GABRG3: variants seen among roughly 807,000 people sequenced by gnomAD.
GABRG3 encodes the protein gamma-aminobutyric acid type A receptor subunit gamma3, also known as gamma-aminobutyric acid receptor subunit gamma-3.
A neutral mutation model predicts 48.8 loss-of-function variants in GABRG3; 25 were observed. That is an observed-to-expected ratio of 0.51 (90% confidence interval 0.37 to 0.72). The LOEUF is 0.72. GABRG3 is among the 30% of genes least tolerant of loss of function. The probability of loss-of-function intolerance (pLI) is 0.00; values close to 1 mark genes in which losing one functional copy is unlikely to be tolerated. For synonymous variants in GABRG3, 227 were observed against 217.6 expected, an observed-to-expected ratio of 1.04 and a Z score of -0.38; for missense variants, 394 against 577.9, an observed-to-expected ratio of 0.68 and a Z score of 3.26.
intron 3 of GABRG3, among the ~76,000 whole-genome samples, chr15:27,163,698 C>G (rs1239862823): frequency 2.0e-5 from 3 of 152,172 alleles, no homozygotes; most frequent in African/African-American, 7.2e-5. Context: ...TTTTTTATCT[C>G]TCACTCTCTC....
chr15:27,156,685 C>T (rs187652306), intron 3 of GABRG3, among the ~76,000 whole-genome samples: 1 of 152,266 alleles, frequency 6.6e-6, no homozygotes, highest in East Asian at 1.9e-4. Context: ...AAAAAATTTT[C>T]CTCAGCTCAC....
intron 5 of GABRG3, among the ~76,000 whole-genome samples, chr15:27,331,796 G>A (rs1056506674): frequency 4.0e-4 from 61 of 152,282 alleles, no homozygotes; most frequent in African/African-American, 1.3e-3. Flanking sequence ...GGGGAAAGGA[G>A]TACTTGGGAA....
chr15:27,088,168 G>C (rs947127883), intron 3 of GABRG3, among the ~76,000 whole-genome samples: 5 of 151,104 alleles, frequency 3.3e-5, no homozygotes, highest in Non-Finnish European at 5.9e-5. Flanking sequence ...CTGAGGGTGT[G>C]AGTGGGCCTG....
intron 5 of GABRG3, among the ~76,000 whole-genome samples, chr15:27,384,056 G>T (rs1050160002): frequency 2.6e-5 from 4 of 152,040 alleles, no homozygotes; most frequent in African/African-American, 9.7e-5. Context: ...GCTATTTTTC[G>T]GTTAATTAAT....
intron 5 of GABRG3, among the ~76,000 whole-genome samples, chr15:27,437,661 A>G (rs1434643842): frequency 6.6e-6 from 1 of 152,256 alleles, no homozygotes; most frequent in Admixed American, 6.5e-5. Context: ...GAAGATGCAG[A>G]AGTAAACACA....
intron 6 of GABRG3, among the ~76,000 whole-genome samples, chr15:27,501,524 A>G (rs8042742): frequency 0.1 from 15,215 of 152,012 alleles, 1,459 homozygotes; most frequent in East Asian, 0.33. Context: ...TCCATTCCAA[A>G]TGAGGCTCAG....
intron 3 of GABRG3, among the ~76,000 whole-genome samples, chr15:27,247,198 C>T (rs1890295849): frequency 6.6e-6 from 1 of 152,084 alleles, no homozygotes; most frequent in African/African-American, 2.4e-5. Flanking sequence ...CTTTGGCCTC[C>T]CAAAGTGCTG....
intron 5 of GABRG3, among the ~76,000 whole-genome samples, chr15:27,383,073 C>T (rs1198353529): frequency 1.3e-5 from 2 of 152,064 alleles, no homozygotes. Context: ...ATTGATAGAG[C>T]ACTTCTGTAT....
At chr15:27,532,539 C>A in intron 9 of GABRG3, 61 bp from the exon 10 acceptor site, 1 of 1,515,410 alleles carries the variant, frequency 6.6e-7, no homozygotes, top group Admixed American at 1.9e-5. Context: ...CTGCTTCATA[C>A]ACCTCAGGGT....
At chr15:27,089,412 T>C (rs1254885818) in intron 3 of GABRG3, among the ~76,000 whole-genome samples, 1 of 151,998 alleles carries the variant, frequency 6.6e-6, no homozygotes, top group East Asian at 1.9e-4. Context: ...AGGCTTCTTG[T>C]CCACATTCTA....
intron 3 of GABRG3, among the ~76,000 whole-genome samples, chr15:27,253,146 T>A (rs1441571228): frequency 2.0e-5 from 3 of 152,228 alleles, no homozygotes; most frequent in African/African-American, 7.2e-5. Context: ...CTGGACCCAC[T>A]GCTGGAGTGT....
At chr15:27,011,652 C>T (rs2140666920) in intron 2 of GABRG3, among the ~76,000 whole-genome samples, 1 of 151,982 alleles carries the variant, frequency 6.6e-6, no homozygotes, top group South Asian at 2.1e-4. Context: ...TCGAGACCAT[C>T]CTGGCTAACA....
chr15:27,124,013 C>T (rs190472771), intron 3 of GABRG3, among the ~76,000 whole-genome samples: 49 of 152,292 alleles, frequency 3.2e-4, no homozygotes, highest in African/African-American at 1.1e-3. Flanking sequence ...TGGAAGCCTA[C>T]GCTTTAGTGG....
At chr15:27,486,586 C>T (rs1890225513) in intron 6 of GABRG3, among the ~76,000 whole-genome samples, 1 of 152,134 alleles carries the variant, frequency 6.6e-6, no homozygotes, top group African/African-American at 2.4e-5. Context: ...GCAGGAGCTC[C>T]AGCACTAGAG....
chr15:27,152,677 T>C (rs986557804), intron 3 of GABRG3, among the ~76,000 whole-genome samples: 1 of 152,194 alleles, frequency 6.6e-6, no homozygotes, highest in Admixed American at 6.5e-5. Context: ...AAATGTCTTT[T>C]CATATCTTTT....
intron 5 of GABRG3, among the ~76,000 whole-genome samples, chr15:27,389,279 T>C (rs532809531): frequency 6.6e-6 from 1 of 152,258 alleles, no homozygotes; most frequent in South Asian, 2.1e-4. Context: ...AAATAAATGG[T>C]TTGAAAATAT....
chr15:27,392,734 C>T (rs1000533225), intron 5 of GABRG3, among the ~76,000 whole-genome samples: 2 of 152,196 alleles, frequency 1.3e-5, no homozygotes, highest in African/African-American at 4.8e-5. Context: ...CCTTCTCCCT[C>T]ATTTATCAAT....
chr15:27,026,424 C>T (rs1044254890), intron 2 of GABRG3, among the ~76,000 whole-genome samples: 1 of 152,296 alleles, frequency 6.6e-6, no homozygotes, highest in Non-Finnish European at 1.5e-5. Context: ...CCTTGTATCT[C>T]CTATCTTTGC....
chr15:27,161,924 C>T (rs1595560125), intron 3 of GABRG3, among the ~76,000 whole-genome samples: 2 of 152,260 alleles, frequency 1.3e-5, no homozygotes, highest in African/African-American at 4.8e-5. Context: ...TACCAAATGA[C>T]AGGCTCTTCA....
Sources: gnomAD v4.1 joint callset for allele counts (sites outside exome capture counted in the v4.1 genomes callset) on GRCh38, gnomAD v4.1.1 for gene constraint, MANE v1.5 for transcripts, NCBI Gene and HGNC (gene_info 2026-07-23, HGNC 2026-07-21) for gene names.